EXOC2: variants seen among roughly 807,000 people sequenced by gnomAD.
The protein encoded by EXOC2 is SEC5-like 1.
Under a neutral mutation model 131.8 loss-of-function variants are expected in EXOC2, and 70 were observed. The ratio of observed to expected loss-of-function variants is 0.53; its 90% CI spans 0.44 to 0.65. EXOC2 has a LOEUF of 0.65. Among genes scored for constraint, EXOC2 ranks in the 30% least tolerant of loss-of-function variants. EXOC2 has a pLI of 0.00. For synonymous variants in EXOC2, 411 were observed against 398.4 expected, an observed-to-expected ratio of 1.03 and a Z score of -0.38; for missense variants, 923 against 1,108.6, an observed-to-expected ratio of 0.83 and a Z score of 2.38.
intron 11 of EXOC2, among the ~76,000 whole-genome samples, chr6:579,955 A>C (rs950035837): frequency 6.6e-6 from 1 of 152,112 alleles, no homozygotes; most frequent in South Asian, 2.1e-4. Flanking sequence ...ATATCAGTCT[A>C]TTTTGTTTCA....
At chr6:491,477 C>T (rs962971968) in intron 25 of EXOC2, among the ~76,000 whole-genome samples, 1 of 152,254 alleles carries the variant, frequency 6.6e-6, no homozygotes, top group African/African-American at 2.4e-5. Context: ...TTCCAGCCAT[C>T]TGTATTTACT....
At chr6:516,354 G>A (rs1021920812) in intron 23 of EXOC2, among the ~76,000 whole-genome samples, 1 of 152,174 alleles carries the variant, frequency 6.6e-6, no homozygotes, top group Non-Finnish European at 1.5e-5. Flanking sequence ...GATCCAAACT[G>A]CAGCGCTCGT....
intron 22 of EXOC2, among the ~76,000 whole-genome samples, chr6:542,117 T>C (rs959669301): frequency 3.3e-5 from 5 of 152,312 alleles, no homozygotes; most frequent in Middle Eastern, 6.8e-3. Context: ...TAGTTCTCTA[T>C]AGGAGAAGGT....
chr6:502,144 C>T (rs1764250658), intron 23 of EXOC2, among the ~76,000 whole-genome samples: 1 of 152,154 alleles, frequency 6.6e-6, no homozygotes, highest in Non-Finnish European at 1.5e-5. Context: ...TGTAGACGCA[C>T]AGGTAACATA....
At chr6:519,080 C>T (rs1482190184) in intron 23 of EXOC2, among the ~76,000 whole-genome samples, 7 of 144,914 alleles carry the variant, frequency 4.8e-5, no homozygotes, top group South Asian at 4.3e-4. Flanking sequence ...CATCACCCAC[C>T]GAGCGCCGAC....
At chr6:503,751 G>A (rs1397704841) in intron 23 of EXOC2, among the ~76,000 whole-genome samples, 1 of 152,146 alleles carries the variant, frequency 6.6e-6, no homozygotes, top group Non-Finnish European at 1.5e-5. Flanking sequence ...TGGGAAACCG[G>A]TAAGATCTCT....
At chr6:678,764 A>AGT (rs1249933380) in intron 1 of EXOC2, among the ~76,000 whole-genome samples, 1 of 152,228 alleles carries the variant, frequency 6.6e-6, no homozygotes, top group African/African-American at 2.4e-5. Flanking sequence ...CACGGTGGGA[A>AGT]AATTCCAAAC....
At chr6:503,773 C>T (rs1018486381) in intron 23 of EXOC2, among the ~76,000 whole-genome samples, 20 of 152,090 alleles carry the variant, frequency 1.3e-4, no homozygotes, top group African/African-American at 4.6e-4. Flanking sequence ...TGGTCTTCCT[C>T]GTTCAGAATT....
rs148031873 is a variant in EXOC2, at chr6:578,158, A to G, written c.1193-1276T>C. ...TAGTAAGTGACTGACACTAAAAAAT[A>G]TATTTTTTACTTTATAACTTAATAG... On this transcript the variant is annotated intron_variant, in intron 11 of 27. Transcript: ENST00000230449. 3.4e-3 allele frequency among the ~76,000 whole-genome samples: 512 copies of G among 152,340 alleles called. 2 individuals are homozygous for G. The highest frequency in any genetic ancestry group is 0.012 in the African/African-American group (483 of 41,566).
intron 6 of EXOC2, among the ~76,000 whole-genome samples, chr6:615,207 G>A (rs957884053): frequency 1.3e-5 from 2 of 149,388 alleles, no homozygotes; most frequent in African/African-American, 2.4e-5. Flanking sequence ...GTGTGTGTGT[G>A]TGTATGTATG....
At chr6:689,242 T>C (rs1282767407) in intron 1 of EXOC2, 1 of 148,832 alleles carries the variant, frequency 6.7e-6, no homozygotes, top group African/African-American at 2.5e-5. Flanking sequence ...GAAAAACTGA[T>C]AAACCCAAAA....
At chr6:660,332 C>G (rs1763369324) in intron 1 of EXOC2, among the ~76,000 whole-genome samples, 1 of 152,176 alleles carries the variant, frequency 6.6e-6, no homozygotes, top group African/African-American at 2.4e-5. Flanking sequence ...GGCAAAAGGC[C>G]AACTAGCACC....
Position 486,731 on chromosome 6 carries a change from A to G in EXOC2, c.2715T>C (p.Ser905=). 6.2e-7 allele frequency: 1 copy of G among 1,614,080 alleles called. No homozygotes were observed. The highest frequency in any genetic ancestry group is 1.1e-5 in the South Asian group (1 of 91,070). ...LLEELLNKFK[S]SMHLQLTCFQ... ...AACAGGTGAGCTGCAAGTGCATGCT[A>G]CTCTTGAACTTGTTCAGGAGCTCTT... is the stretch of plus-strand genomic sequence containing the variant. Residue 905 remains serine (S), a synonymous_variant, in exon 28 of 28, where the codon AGT becomes AGC. Transcript: ENST00000230449.
At chr6:643,261 T>G (rs769046739) in intron 1 of EXOC2, among the ~76,000 whole-genome samples, 3 of 152,186 alleles carry the variant, frequency 2.0e-5, no homozygotes, top group Non-Finnish European at 4.4e-5. Flanking sequence ...CATCCTGACC[T>G]GACATTTATA....
intron 13 of EXOC2, among the ~76,000 whole-genome samples, chr6:565,136 C>T (rs907630472): frequency 6.6e-6 from 1 of 152,150 alleles, no homozygotes; most frequent in African/African-American, 2.4e-5. Flanking sequence ...CTTTCTAAAA[C>T]CTTTACGTAC....
intron 1 of EXOC2, among the ~76,000 whole-genome samples, chr6:638,267 C>T (rs2073007): frequency 0.2 from 30,377 of 152,182 alleles, 3,395 homozygotes; most frequent in East Asian, 0.32. Context: ...TAAAAACACA[C>T]TTACATTCCC....
At chr6:540,257 G>GA (rs1273741502) in intron 22 of EXOC2, among the ~76,000 whole-genome samples, 2 of 152,086 alleles carry the variant, frequency 1.3e-5, no homozygotes, top group African/African-American at 4.8e-5. Flanking sequence ...ACCCAGCCAG[G>GA]AATTTTTAAT....
chr6:637,308 A>G (rs1371183127), intron 2 of EXOC2, among the ~76,000 whole-genome samples: 1 of 152,172 alleles, frequency 6.6e-6, no homozygotes, highest in East Asian at 1.9e-4. Context: ...TGCTTTGAAG[A>G]GCAATAAGGA....
intron 1 of EXOC2, among the ~76,000 whole-genome samples, chr6:659,482 C>G (rs1012458555): frequency 6.6e-6 from 1 of 152,208 alleles, no homozygotes; most frequent in African/African-American, 2.4e-5. Context: ...ATCTCAGACC[C>G]TCTGAAGGAA....
Sources: gnomAD v4.1 joint callset for allele counts (sites outside exome capture counted in the v4.1 genomes callset) on GRCh38, gnomAD v4.1.1 for gene constraint, MANE v1.5 for transcripts, NCBI Gene and HGNC (gene_info 2026-07-23, HGNC 2026-07-21) for gene names.